The following METTL15 variants were observed in gnomAD, a reference collection of about 807,000 sequenced individuals.
The protein encoded by METTL15 is methyltransferase 15, mitochondrial 12S rRNA N4-cytidine, also known as 12S rRNA N(4)-cytidine methyltransferase METTL15.
METTL15 carries 34 observed loss-of-function variants against 38.3 expected under a neutral mutation model. That is an observed-to-expected ratio of 0.89 (90% CI 0.68 to 1.18). METTL15 has a LOEUF of 1.18. Ranked by LOEUF, METTL15 falls within the 50% of genes most tolerant of loss-of-function variation. The pLI is 0.00. For synonymous variants in METTL15, 162 were observed against 170.9 expected (o/e 0.95, Z 0.41); for missense variants, 438 against 498.4 (o/e 0.88, Z 1.15).
At chr11:28,279,671 C>A (rs1855976543) in intron 4 of METTL15, among the ~76,000 whole-genome samples, 2 of 152,084 alleles carry the variant, frequency 1.3e-5, no homozygotes, top group African/African-American at 4.8e-5. Flanking sequence ...GAGGCCGAGG[C>A]AGGTGGATCA....
At chr11:28,345,542 A>C (rs931518267) in intron 3 of METTL15, among the ~76,000 whole-genome samples, 2 of 152,154 alleles carry the variant, frequency 1.3e-5, no homozygotes, top group Non-Finnish European at 2.9e-5. Flanking sequence ...TGGGAAATAC[A>C]ATTCTAGCTT....
intron 4 of METTL15, among the ~76,000 whole-genome samples, chr11:28,270,658 G>T (rs116942432): frequency 6.6e-6 from 1 of 152,232 alleles, no homozygotes; most frequent in East Asian, 1.9e-4. Context: ...CTACCTCAAC[G>T]ATTTTTGTTT....
intron 5 of METTL15, among the ~76,000 whole-genome samples, chr11:28,362,324 CT>C (rs1035154339): frequency 2.0e-5 from 3 of 151,894 alleles, no homozygotes; most frequent in Non-Finnish European, 2.9e-5. Context: ...CTACTGCTTT[CT>C]TTTTTTTAAT....
intron 6 of METTL15, among the ~76,000 whole-genome samples, chr11:28,522,260 C>A (rs189497510): frequency 0.011 from 1,633 of 152,152 alleles, 17 homozygotes; most frequent in Middle Eastern, 0.037. Flanking sequence ...AAAAACTGAA[C>A]CGGTGGGATG....
intron 5 of METTL15, among the ~76,000 whole-genome samples, chr11:28,365,454 G>T (rs182094928): frequency 1.8e-4 from 27 of 152,220 alleles, no homozygotes; most frequent in African/African-American, 6.0e-4. Flanking sequence ...TCTAATTTGT[G>T]TGCATAAAAG....
chr11:28,524,341 C>T (rs1227363698), intron 6 of METTL15, among the ~76,000 whole-genome samples: 2 of 152,192 alleles, frequency 1.3e-5, no homozygotes, highest in Non-Finnish European at 2.9e-5. Context: ...AAGTCTATGA[C>T]TTCACTGGTC....
chr11:28,294,742 C>A (rs1565231817), intron 5 of METTL15, among the ~76,000 whole-genome samples: 2 of 152,126 alleles, frequency 1.3e-5, no homozygotes, highest in Non-Finnish European at 2.9e-5. Flanking sequence ...CTGAAGCTGT[C>A]TAGCAGCCTG....
At chr11:28,290,073 C>T in intron 4 of METTL15, 133 bp from the exon 5 acceptor site, 1 of 730,064 alleles carries the variant, frequency 1.4e-6, no homozygotes, top group South Asian at 2.6e-5. Context: ...CTTTATACAA[C>T]ACTAAGCACT....
intron 5 of METTL15, among the ~76,000 whole-genome samples, chr11:28,398,031 T>C (rs961631977): frequency 1.3e-5 from 2 of 151,668 alleles, no homozygotes; most frequent in Non-Finnish European, 2.9e-5. Context: ...TAGATGGGAA[T>C]TGAACAGTGA....
intron 5 of METTL15, among the ~76,000 whole-genome samples, chr11:28,295,446 G>C (rs1856696416): frequency 6.6e-6 from 1 of 151,952 alleles, no homozygotes; most frequent in African/African-American, 2.4e-5. Context: ...TCATTGTTCT[G>C]TGAGTTTAAC....
intron 4 of METTL15, among the ~76,000 whole-genome samples, chr11:28,234,591 C>T (rs1326541682): frequency 6.6e-6 from 1 of 151,686 alleles, no homozygotes; most frequent in Non-Finnish European, 1.5e-5. Flanking sequence ...CTTTTGGCTG[C>T]ATAAATGTCT....
At chr11:28,514,176 T>G (rs1234104758) in intron 6 of METTL15, among the ~76,000 whole-genome samples, 5 of 152,164 alleles carry the variant, frequency 3.3e-5, no homozygotes, top group African/African-American at 1.2e-4. Flanking sequence ...CATTCTTTCA[T>G]CCCCTTTGAC....
chr11:28,317,378 G>T (rs148428391), intron 6 of METTL15, among the ~76,000 whole-genome samples: 5 of 151,994 alleles, frequency 3.3e-5, no homozygotes, highest in African/African-American at 1.2e-4. Flanking sequence ...AGGAGCCCAG[G>T]CAAAAGGACA....
chr11:28,169,671 A>G (rs1480717233), intron 3 of METTL15, among the ~76,000 whole-genome samples: 3 of 152,138 alleles, frequency 2.0e-5, no homozygotes, highest in Admixed American at 6.6e-5. Context: ...TTCTTGAGCT[A>G]TTTACCAGAG....
intron 6 of METTL15, among the ~76,000 whole-genome samples, chr11:28,466,353 A>G (rs905271397): frequency 1.3e-5 from 2 of 152,232 alleles, no homozygotes; most frequent in Admixed American, 6.5e-5. Flanking sequence ...CCTACAATAA[A>G]ATAAATTCAG....
At chr11:28,311,278 T>C (rs1015116515) in intron 6 of METTL15, among the ~76,000 whole-genome samples, 2 of 152,160 alleles carry the variant, frequency 1.3e-5, no homozygotes, top group African/African-American at 4.8e-5. Flanking sequence ...AAATGTGTAA[T>C]TATCAATTTT....
chr11:28,256,446 C>T (rs1165474773), intron 4 of METTL15, among the ~76,000 whole-genome samples: 1 of 152,084 alleles, frequency 6.6e-6, no homozygotes, highest in African/African-American at 2.4e-5. Flanking sequence ...TTATATGCAT[C>T]TAAGAATTTA....
rs760000569 is a variant in METTL15 at position 28,211,079 on chromosome 11, A to G, written c.288A>G (p.Thr96=). The change falls in exon 4 of 7, where the codon ACA becomes ACG. Residue 96 remains threonine (T), a synonymous_variant. Coordinates refer to ENST00000407364, the MANE Select transcript of METTL15 (RefSeq NM_001113528.2). ...TTTGCTAGATTTTTCTAGATATGAC[A>G]TTTGGTTCGGGAGGGCACACAAAAG... ...PQKGQIFLDM[T]FGSGGHTKAI... The G allele has an allele frequency of 1.9e-6, 3 of 1,609,306 alleles. No homozygotes were observed. The highest frequency in any genetic ancestry group is 2.2e-5 in the South Asian group (2 of 90,294).
chr11:28,474,796 T>C (rs1206623490), intron 6 of METTL15, among the ~76,000 whole-genome samples: 2 of 152,230 alleles, frequency 1.3e-5, no homozygotes, highest in Non-Finnish European at 2.9e-5. Flanking sequence ...AAGGGTGGAC[T>C]CTACATAACC....
Sources: gnomAD v4.1 joint callset for allele counts (sites outside exome capture counted in the v4.1 genomes callset) on GRCh38, gnomAD v4.1.1 for gene constraint, MANE v1.5 for transcripts, NCBI Gene and HGNC (gene_info 2026-07-23, HGNC 2026-07-21) for gene names.